ARHGAP15: variants seen among roughly 807,000 people sequenced by gnomAD.
ARHGAP15 encodes Rho GTPase activating protein 15.
A neutral mutation model predicts 63.7 loss-of-function variants in ARHGAP15; 51 were observed. That is an observed-to-expected ratio of 0.80 (90% CI 0.64 to 1.01). The LOEUF (loss-of-function observed/expected upper bound fraction) is 1.01. Ranked by LOEUF, ARHGAP15 falls within the 50% of genes least tolerant of loss-of-function variation. ARHGAP15 has a pLI of 0.00. For synonymous variants in ARHGAP15, 191 were observed against 193.8 expected, an observed-to-expected ratio of 0.99 and a Z score of 0.12; for missense variants, 560 against 564.6, an observed-to-expected ratio of 0.99 and a Z score of 0.08.
At chr2:143,404,902 C>T (rs971203604) in intron 6 of ARHGAP15, among the ~76,000 whole-genome samples, 4 of 151,960 alleles carry the variant, frequency 2.6e-5, no homozygotes, top group Admixed American at 2.6e-4. Context: ...TGAGAACTTA[C>T]ACATTAAAAC....
chr2:143,747,718 C>CT (rs1686223955), intron 13 of ARHGAP15, among the ~76,000 whole-genome samples: 1 of 152,102 alleles, frequency 6.6e-6, no homozygotes, highest in African/African-American at 2.4e-5. Flanking sequence ...TAGCTTATTT[C>CT]TTTTTATTGC....
chr2:143,586,818 T>G lies in ARHGAP15; in HGVS notation c.1003+30333T>G, dbSNP rs187596996. Among the ~76,000 whole-genome samples the G allele has an allele frequency of 2.6e-5, 4 of 152,260 alleles. No homozygotes were observed. The East Asian group carries it at 7.7e-4, about 29-fold the overall frequency. On this transcript the variant is annotated intron_variant, in intron 11 of 13. Coordinates refer to ENST00000295095, the MANE Select transcript of ARHGAP15 (RefSeq NM_018460.4). ...TGCTGTTTCTGTAATTAGCTACTTTTTCTTGAAAAAGGCCATTTACTCAAT... is the reference window on the plus strand; with the variant it reads ...TGCTGTTTCTGTAATTAGCTACTTTGTCTTGAAAAAGGCCATTTACTCAAT...
chr2:143,478,848 C>G (rs1251338214), intron 8 of ARHGAP15, among the ~76,000 whole-genome samples: 1 of 152,176 alleles, frequency 6.6e-6, no homozygotes, highest in African/African-American at 2.4e-5. Context: ...AGACATTTCT[C>G]AAACTATCTG....
At chr2:143,336,393 A>G (rs1684776634) in intron 6 of ARHGAP15, among the ~76,000 whole-genome samples, 1 of 152,134 alleles carries the variant, frequency 6.6e-6, no homozygotes, top group Non-Finnish European at 1.5e-5. Context: ...TAAGAACATG[A>G]CCAGTTTAGA....
chr2:143,700,841 G>A (rs1381647452), intron 12 of ARHGAP15, among the ~76,000 whole-genome samples: 2 of 152,042 alleles, frequency 1.3e-5, no homozygotes, highest in Non-Finnish European at 1.5e-5. Flanking sequence ...TCATTAACTT[G>A]TACTTTTTTT....
At chr2:143,329,102 C>T (rs981161471) in intron 6 of ARHGAP15, among the ~76,000 whole-genome samples, 6 of 152,228 alleles carry the variant, frequency 3.9e-5, no homozygotes, top group African/African-American at 9.6e-5. Flanking sequence ...AGTAACTTTA[C>T]TATGCTCAAG....
At chr2:143,539,758 T>C (rs1334560814) in intron 10 of ARHGAP15, among the ~76,000 whole-genome samples, 3 of 152,052 alleles carry the variant, frequency 2.0e-5, no homozygotes, top group Non-Finnish European at 4.4e-5. Context: ...TTTGTTATAA[T>C]TTCTGTTCTT....
chr2:143,146,005 A>AT (rs1689573289), intron 1 of ARHGAP15, among the ~76,000 whole-genome samples: 1 of 151,826 alleles, frequency 6.6e-6, no homozygotes, highest in African/African-American at 2.4e-5. Flanking sequence ...GAAACAACTC[A>AT]TTTAGAGGAA....
chr2:143,617,520 C>T (rs1267194663), intron 11 of ARHGAP15, among the ~76,000 whole-genome samples: 1 of 152,096 alleles, frequency 6.6e-6, no homozygotes, highest in Non-Finnish European at 1.5e-5. Context: ...TGTGTGCACC[C>T]TAATCTGTTG....
chr2:143,535,290 T>G (rs1192218931), intron 10 of ARHGAP15, among the ~76,000 whole-genome samples: 1 of 152,218 alleles, frequency 6.6e-6, no homozygotes, highest in Non-Finnish European at 1.5e-5. Flanking sequence ...CTTGCCCCCT[T>G]ATTCTCCATC....
intron 1 of ARHGAP15, among the ~76,000 whole-genome samples, chr2:143,130,739 C>T (rs1046749416): frequency 3.9e-5 from 6 of 152,074 alleles, no homozygotes; most frequent in Admixed American, 2.6e-4. Context: ...GTGTTCAATA[C>T]ATTTTTTATT....
At chr2:143,207,467 C>G (rs1222326645) in intron 3 of ARHGAP15, among the ~76,000 whole-genome samples, 2 of 148,462 alleles carry the variant, frequency 1.3e-5, no homozygotes, top group African/African-American at 2.5e-5. Context: ...CCTTCTCTCC[C>G]TCTCCCATTG....
chr2:143,415,043 T>C (rs1688615022), intron 6 of ARHGAP15, among the ~76,000 whole-genome samples: 1 of 152,202 alleles, frequency 6.6e-6, no homozygotes, highest in Non-Finnish European at 1.5e-5. Context: ...CTGATCATGA[T>C]GATGGTAGGA....
At chr2:143,325,449 A>G (rs186119795) in intron 6 of ARHGAP15, among the ~76,000 whole-genome samples, 7 of 152,254 alleles carry the variant, frequency 4.6e-5, no homozygotes, top group Admixed American at 3.9e-4. Flanking sequence ...TAAATGGAAA[A>G]TGATTAAGTA....
intron 6 of ARHGAP15, among the ~76,000 whole-genome samples, chr2:143,402,934 T>C (rs372941103): frequency 1.3e-5 from 2 of 151,860 alleles, no homozygotes; most frequent in Non-Finnish European, 1.5e-5. Flanking sequence ...ATTTTTCTTA[T>C]AGAAGAATAT....
At chr2:143,286,200 G>A (rs1682090429) in intron 6 of ARHGAP15, among the ~76,000 whole-genome samples, 1 of 152,156 alleles carries the variant, frequency 6.6e-6, no homozygotes, top group Admixed American at 6.6e-5. Context: ...TACTTTTAAT[G>A]ATGAGAAGAG....
At chr2:143,703,304 T>C in intron 12 of ARHGAP15, 115 bp from the exon 13 acceptor site, 3 of 658,616 alleles carry the variant, frequency 4.6e-6, no homozygotes, top group Non-Finnish European at 7.7e-6. Context: ...GACTACTGAC[T>C]AGGACTCTTA....
At position 143,435,605 on chromosome 2, in the gene ARHGAP15, C is replaced by G. The variant is rs760837933; in HGVS notation, c.479C>G (p.Thr160Arg). The change falls in exon 7 of 14, where the codon ACA becomes AGA. Residue 160 changes from threonine to arginine, a missense_variant. Transcript: ENST00000295095. ...TTCTTTTTTTTTTTTTTGCAGATCACAACAGTATCAGGAAATGAGTTCCTT... is the reference window on the plus strand; with the variant it reads ...TTCTTTTTTTTTTTTTTGCAGATCAGAACAGTATCAGGAAATGAGTTCCTT... The part of the protein sequence containing the change: ...KSSRKNVFQI[T>R]TVSGNEFLLQ... The G allele has an allele frequency of 6.7e-7, 1 of 1,501,690 alleles. No homozygotes were observed. The highest frequency in any genetic ancestry group is 2.5e-5 in the East Asian group (1 of 40,378). 93.0% of individuals were successfully genotyped at this position (1,501,690 alleles called of 1,614,324 possible).
intron 2 of ARHGAP15, among the ~76,000 whole-genome samples, chr2:143,185,135 AAAATG>A (rs1220208561): frequency 6.6e-6 from 1 of 152,214 alleles, no homozygotes; most frequent in Non-Finnish European, 1.5e-5. Flanking sequence ...ACAATTTTGA[AAAATG>A]AAATGAAACA....
Sources: allele counts gnomAD v4.1 joint callset (sites outside exome capture counted in the v4.1 genomes callset), GRCh38; gene constraint gnomAD v4.1.1; transcripts MANE v1.5; gene names NCBI Gene and HGNC (gene_info 2026-07-23, HGNC 2026-07-21).